Variants in RBFOX1 observed in about 807,000 individuals in gnomAD.
RBFOX1 encodes RNA binding protein fox-1 homolog 1.
A neutral mutation model predicts 57.7 loss-of-function variants in RBFOX1; 8 were observed. The ratio of observed to expected loss-of-function variants is 0.14; its 90% CI spans 0.08 to 0.25. RBFOX1 has a LOEUF of 0.25. Ranked by LOEUF, RBFOX1 falls within the 10% of genes least tolerant of loss-of-function variation. The pLI, the probability that RBFOX1 is intolerant of heterozygous loss-of-function variation, is 1.00. For synonymous variants in RBFOX1, 326 were observed against 222.4 expected (o/e 1.47, Z -4.15); for missense variants, 611 against 548.5 (o/e 1.11, Z -1.14).
intron 4 of RBFOX1, among the ~76,000 whole-genome samples, chr16:7,125,936 A>G (rs548957638): frequency 6.6e-6 from 1 of 152,186 alleles, no homozygotes; most frequent in East Asian, 1.9e-4. Context: ...TACAAAAATT[A>G]CCTGTGCGTG....
At chr16:7,029,385 C>T (rs1288651996) in intron 3 of RBFOX1, among the ~76,000 whole-genome samples, 4 of 150,982 alleles carry the variant, frequency 2.6e-5, no homozygotes, top group Admixed American at 1.3e-4. Context: ...TGATGCGTCA[C>T]ACAGAAGAAA....
intron 4 of RBFOX1, among the ~76,000 whole-genome samples, chr16:7,306,771 C>T (rs918722815): frequency 6.6e-6 from 1 of 152,134 alleles, no homozygotes; most frequent in African/African-American, 2.4e-5. Context: ...CGTGATAGTT[C>T]GTTTAAAAGT....
chr16:5,493,703 C>T (rs1334274441), intron 2 of RBFOX1, among the ~76,000 whole-genome samples: 1 of 152,210 alleles, frequency 6.6e-6, no homozygotes, highest in Non-Finnish European at 1.5e-5. Context: ...CGAGTGTTGA[C>T]ACAGCAATAT....
chr16:6,950,692 GAA>G (rs749943203), intron 3 of RBFOX1, among the ~76,000 whole-genome samples: 2 of 152,150 alleles, frequency 1.3e-5, no homozygotes, highest in South Asian at 4.1e-4. Flanking sequence ...GTTGAAGAAT[GAA>G]AAAAGAGTTG....
intron 2 of RBFOX1, among the ~76,000 whole-genome samples, chr16:5,566,557 C>CAGGAAAGTAGT (rs1025272318): frequency 2.1e-4 from 31 of 151,116 alleles, no homozygotes; most frequent in African/African-American, 7.6e-4. Context: ...CCAGAGATTT[C>CAGGAAAGTAGT]AGGAAAGTAG....
chr16:5,782,371 A>G (rs1226059682), intron 3 of RBFOX1, among the ~76,000 whole-genome samples: 1 of 152,204 alleles, frequency 6.6e-6, no homozygotes, highest in Non-Finnish European at 1.5e-5. Context: ...AGAAGGGGCA[A>G]AAAGGAGTAC....
chr16:6,278,059 T>C (rs2076011134), intron 1 of RBFOX1, among the ~76,000 whole-genome samples: 1 of 152,122 alleles, frequency 6.6e-6, no homozygotes, highest in Non-Finnish European at 1.5e-5. Context: ...TAGGAGTTCA[T>C]TGGACATAGG....
intron 4 of RBFOX1, among the ~76,000 whole-genome samples, chr16:7,303,510 C>T (rs2096083756): frequency 6.6e-6 from 1 of 152,204 alleles, no homozygotes; most frequent in Non-Finnish European, 1.5e-5. Context: ...CTCGCCTGCT[C>T]ACCGGCAGAG....
At chr16:6,696,513 C>T (rs1252074050) in intron 3 of RBFOX1, among the ~76,000 whole-genome samples, 1 of 151,964 alleles carries the variant, frequency 6.6e-6, no homozygotes, top group African/African-American at 2.4e-5. Context: ...TTCATTGTAG[C>T]CGAATTAGAT....
chr16:5,868,905 T>A (rs1006173658), intron 4 of RBFOX1, among the ~76,000 whole-genome samples: 5 of 152,206 alleles, frequency 3.3e-5, no homozygotes, highest in African/African-American at 1.2e-4. Context: ...CCAGTTTCTG[T>A]GTATTTAGCA....
At chr16:7,082,684 A>G (rs901836955) in intron 4 of RBFOX1, among the ~76,000 whole-genome samples, 1 of 152,298 alleles carries the variant, frequency 6.6e-6, no homozygotes, top group African/African-American at 2.4e-5. Flanking sequence ...AGGCTTGCAG[A>G]CTTTCTTTCA....
chr16:6,288,144 G>A (rs113257217), intron 1 of RBFOX1, among the ~76,000 whole-genome samples: 1 of 152,158 alleles, frequency 6.6e-6, no homozygotes, highest in Non-Finnish European at 1.5e-5. Flanking sequence ...TTTACAAACA[G>A]TAAAATTACT....
chr16:7,517,138 CGTGTGTGTGTGTGTGTGT>C lies in RBFOX1; in HGVS notation c.28-976_28-959del, dbSNP rs200887129. The stretch of plus-strand genomic sequence containing the variant: ...ACCTTTGGGTTACAATTTCTTATGC[CGTGTGTGTGTGTGTGTGT>C]GTGTGTGTGTGTGTGTGTGTGTGTG... On this transcript the variant is annotated intron_variant, in intron 4 of 15. Coordinates refer to ENST00000550418, the MANE Select transcript of RBFOX1 (RefSeq NM_018723.4). 2.2e-3 allele frequency among the ~76,000 whole-genome samples: 285 copies of C among 130,220 alleles called. 1 individual carries two copies. The highest frequency in any genetic ancestry group is 4.5e-3 in the Admixed American group (58 of 12,890). The allele number at this position is 130,220 out of a possible 152,430, so 85.4% of individuals were successfully genotyped here. A position where few individuals can be genotyped will look rare whatever the true frequency, so the allele number is the denominator to read the frequency against.
At chr16:7,457,607 T>C (rs1161667643) in intron 4 of RBFOX1, among the ~76,000 whole-genome samples, 1 of 152,170 alleles carries the variant, frequency 6.6e-6, no homozygotes, top group Non-Finnish European at 1.5e-5. Flanking sequence ...TATTTGATTG[T>C]GAATGTTCCT....
chr16:6,852,815 A>G (rs987259294), intron 3 of RBFOX1, among the ~76,000 whole-genome samples: 9 of 150,946 alleles, frequency 6.0e-5, no homozygotes, highest in African/African-American at 2.2e-4. Context: ...GGTGAGATGC[A>G]TACTGGAAAC....
chr16:5,940,307 C>G (rs1274072985), intron 4 of RBFOX1, among the ~76,000 whole-genome samples: 1 of 152,194 alleles, frequency 6.6e-6, no homozygotes, highest in Non-Finnish European at 1.5e-5. Flanking sequence ...TAGATGGTCC[C>G]TAAAGCCTCA....
chr16:7,543,149 G>C (rs1402154608), intron 5 of RBFOX1, among the ~76,000 whole-genome samples: 1 of 152,158 alleles, frequency 6.6e-6, no homozygotes, highest in African/African-American at 2.4e-5. Flanking sequence ...AAATCACTCA[G>C]GGTTGGTGTT....
At position 6,776,443 on chromosome 16, in the gene RBFOX1, AAAC is replaced by A. The variant is rs1555457619; in HGVS notation, c.-16+121796_-16+121798del. ...AACAAAAAACAAAAAACAAACAAAC[AAAC>A]AAAAAAACATCAAGGAGAAGCAACA... On this transcript the variant is annotated intron_variant, in intron 3 of 15. Transcript: ENST00000550418. Among the ~76,000 whole-genome samples, 3 of 151,444 alleles carry A rather than the reference AAAC, an allele frequency of 2.0e-5. No homozygotes were observed. In the East Asian group the frequency reaches 5.8e-4, roughly 29 times the overall value.
chr16:6,105,531 A>G (rs898286571), intron 1 of RBFOX1, among the ~76,000 whole-genome samples: 1 of 152,196 alleles, frequency 6.6e-6, no homozygotes, highest in African/African-American at 2.4e-5. Context: ...GACAATCCCA[A>G]AAATTAACCT....
Sources: gnomAD v4.1 joint callset for allele counts (sites outside exome capture counted in the v4.1 genomes callset) on GRCh38, gnomAD v4.1.1 for gene constraint, MANE v1.5 for transcripts, NCBI Gene and HGNC (gene_info 2026-07-23, HGNC 2026-07-21) for gene names.